The following ARID1B variants were observed in gnomAD, a reference collection of about 807,000 sequenced individuals.
The protein encoded by ARID1B is AT-rich interaction domain 1B.
ARID1B carries 30 observed loss-of-function variants against 212.3 expected under a neutral mutation model. That is an observed-to-expected ratio of 0.14 (90% CI 0.11 to 0.19). ARID1B has a LOEUF of 0.19. ARID1B is among the 10% of genes least tolerant of loss of function. The probability of loss-of-function intolerance (pLI) is 1.00; values close to 1 mark genes in which losing one functional copy is unlikely to be tolerated. For missense variants in ARID1B, 2,891 were observed against 3,204.0 expected (o/e 0.90, Z 2.36); for synonymous variants, 1,402 against 1,301.7 (o/e 1.08, Z -1.66).
chr6:156,894,299 T>TGGGGGCCGGGGGGGGTGGGAG (rs1326684088), intron 2 of ARID1B, among the ~76,000 whole-genome samples: 4 of 7,506 alleles, frequency 5.3e-4, no homozygotes, highest in African/African-American at 1.1e-3. Flanking sequence ...GGGGTTGGGA[T>TGGGGGCCGGGGGGGGTGGGAG]GGGGGCCGGG....
intron 1 of ARID1B, among the ~76,000 whole-genome samples, chr6:156,807,966 C>T (rs1781293192): frequency 6.6e-6 from 1 of 152,194 alleles, no homozygotes; most frequent in Non-Finnish European, 1.5e-5. Flanking sequence ...TTTCTGACAG[C>T]CTCAGATGCA....
At chr6:156,836,866 T>C (rs1783547138) in intron 2 of ARID1B, among the ~76,000 whole-genome samples, 1 of 152,068 alleles carries the variant, frequency 6.6e-6, no homozygotes, top group Non-Finnish European at 1.5e-5. Flanking sequence ...GGTTTTGCCA[T>C]GTAGCCCAGG....
At position 157,161,453 on chromosome 6, in the gene ARID1B, A is replaced by T. The variant is rs538101822; in HGVS notation, c.3090-5587A>T. Among the ~76,000 whole-genome samples, 720 of 147,222 alleles carry T rather than the reference A, an allele frequency of 4.9e-3. 6 individuals are homozygous for T. Among genetic ancestry groups the T allele is most frequent in the African/African-American group, 0.017 (671 of 39,276 alleles). ...TGTGTATATATATATATATATATATATTTTGGCGGGGGGGCACATAGTAGT... is the reference window on the plus strand; with the variant it reads ...TGTGTATATATATATATATATATATTTTTTGGCGGGGGGGCACATAGTAGT... On this transcript the variant is annotated intron_variant, in intron 8 of 19. Coordinates refer to ENST00000636930, the MANE Select transcript of ARID1B (RefSeq NM_001374828.1).
At chr6:157,186,671 C>A (rs111930491) in intron 13 of ARID1B, 46 of 376,962 alleles carry the variant, frequency 1.2e-4, no homozygotes, top group African/African-American at 6.8e-4. Context: ...CACAAATTTA[C>A]GGTAAAAATG....
chr6:156,903,949 C>T (rs1459126595), intron 3 of ARID1B, among the ~76,000 whole-genome samples: 2 of 152,110 alleles, frequency 1.3e-5, no homozygotes, highest in African/African-American at 2.4e-5. Flanking sequence ...CATCAAGATA[C>T]CTGACTTTGT....
chr6:156,828,062 CTTT>C (rs538099082), intron 1 of ARID1B, among the ~76,000 whole-genome samples: 3 of 123,782 alleles, frequency 2.4e-5, no homozygotes, highest in Non-Finnish European at 3.3e-5. Flanking sequence ...TGCCCGGCCT[CTTT>C]TTTTTTTTTT....
chr6:156,942,078 T>C (rs1320846732), intron 4 of ARID1B: 2 of 152,186 alleles, frequency 1.3e-5, no homozygotes, highest in African/African-American at 4.8e-5. Flanking sequence ...ATTTAAAATA[T>C]GGGGGAAATG....
At chr6:156,895,202 T>G (rs75378459) in intron 2 of ARID1B, among the ~76,000 whole-genome samples, 2,805 of 152,370 alleles carry the variant, frequency 0.018, 101 homozygotes, top group African/African-American at 0.064. Context: ...TTCTGTGTGA[T>G]ATTCTATAGA....
intron 5 of ARID1B, among the ~76,000 whole-genome samples, chr6:157,101,873 T>C (rs1211363914): frequency 6.6e-6 from 1 of 152,222 alleles, no homozygotes; most frequent in Admixed American, 6.5e-5. Flanking sequence ...CTATCTTGAC[T>C]AATCATGTCA....
chr6:157,039,322 C>CTTATTTTTTTTTTTTTTTTTTTTTTTT (rs1781546879), intron 4 of ARID1B, among the ~76,000 whole-genome samples: 1 of 102,976 alleles, frequency 9.7e-6, no homozygotes, highest in Non-Finnish European at 2.0e-5. Context: ...TTTGACATTT[C>CTTATTTTTTTTTTTTTTTTTTTTTTTT]TTTTTTTTTT....
Position 156,777,854 on chromosome 6 carries a change from G to T in ARID1B, c.174G>T (p.Leu58=). The T allele has an allele frequency of 6.8e-6, 9 of 1,329,882 alleles. No individual in the cohort carries two copies. The highest frequency in any genetic ancestry group is 8.6e-6 in the Non-Finnish European group (9 of 1,045,314). 82.4% of individuals were successfully genotyped at this position (1,329,882 alleles called of 1,614,324 possible). A position where few individuals can be genotyped will look rare whatever the true frequency, so the allele number is the denominator to read the frequency against. ...AAAAAAPGPM[L]GGGGDGGGGL... is the part of the protein sequence containing the mutation. ...CGGCGGCGGCACCGGGACCCATGCT[G>T]GGGGGCGGCGGCGACGGCGGCGGCG... The change falls in exon 1 of 20, where the codon CTG becomes CTT. Residue 58 remains leucine, a synonymous_variant. Coordinates refer to ENST00000636930, the MANE Select transcript of ARID1B (RefSeq NM_001374828.1).
intron 4 of ARID1B, among the ~76,000 whole-genome samples, chr6:156,998,212 CTTT>C (rs569837054): frequency 1.7e-4 from 23 of 137,610 alleles, no homozygotes; most frequent in Non-Finnish European, 2.0e-4. Context: ...ATCTCTCTCT[CTTT>C]TTTTTTTTTT....
intron 4 of ARID1B, among the ~76,000 whole-genome samples, chr6:157,032,525 C>T (rs1305463413): frequency 1.3e-5 from 2 of 152,032 alleles, no homozygotes; most frequent in South Asian, 2.1e-4. Context: ...GTTTTCTGGG[C>T]GGGTCATTCT....
chr6:157,165,557 A>ATT (rs1791268696), intron 8 of ARID1B, among the ~76,000 whole-genome samples: 1 of 152,060 alleles, frequency 6.6e-6, no homozygotes, highest in Non-Finnish European at 1.5e-5. Context: ...GTATATTTAA[A>ATT]AAAAAAAATG....
Position 156,853,362 on chromosome 6 carries a change from G to A in ARID1B, c.1986+23941G>A, listed in dbSNP as rs140276790. On this transcript the variant is annotated intron_variant, in intron 2 of 19. Coordinates refer to ENST00000636930, the MANE Select transcript of ARID1B (RefSeq NM_001374828.1). ...CTGAGGATGAGTATTTTCCCACCGC[G>A]GGCATGAAAATGGATCCTAATGGTA... Among the ~76,000 whole-genome samples, 8 of 152,232 alleles carry A rather than the reference G, an allele frequency of 5.3e-5. No homozygotes were observed. In the East Asian group the frequency reaches 1.2e-3, roughly 22 times the overall value.
chr6:156,905,250 G>GCGCGCGCACGCACACACACA (rs1554265935), intron 3 of ARID1B, among the ~76,000 whole-genome samples: 1 of 143,730 alleles, frequency 7.0e-6, no homozygotes, highest in African/African-American at 2.6e-5. Flanking sequence ...ACATATGCAC[G>GCGCGCGCACGCACACACACA]CACACACACA....
intron 4 of ARID1B, among the ~76,000 whole-genome samples, chr6:157,032,863 C>A (rs1042891399): frequency 2.0e-5 from 3 of 152,180 alleles, no homozygotes; most frequent in Admixed American, 6.5e-5. Flanking sequence ...TTACTGTGCA[C>A]ACCCTTTCCA....
intron 2 of ARID1B, among the ~76,000 whole-genome samples, chr6:156,875,930 T>TA (rs1351887299): frequency 6.6e-6 from 1 of 152,262 alleles, no homozygotes; most frequent in Non-Finnish European, 1.5e-5. Flanking sequence ...ATACTTCTGT[T>TA]AAAGAACTGC....
At position 157,159,803 on chromosome 6, in the gene ARID1B, C is replaced by T. The variant is rs370345919; in HGVS notation, c.3090-7237C>T. On this transcript the variant is annotated intron_variant, in intron 8 of 19. Coordinates refer to ENST00000636930, the MANE Select transcript of ARID1B (RefSeq NM_001374828.1). ...CACATTTTAAAGGACCAGGCAAAGACGTGCCAGGGAGAAGTTCTATTCTGA... is the reference window on the plus strand; with the variant it reads ...CACATTTTAAAGGACCAGGCAAAGATGTGCCAGGGAGAAGTTCTATTCTGA... Among the ~76,000 whole-genome samples the T allele has an allele frequency of 2.0e-4, 30 of 152,312 alleles. No homozygotes were observed. In the South Asian group the frequency reaches 3.5e-3, roughly 18 times the overall value.
Sources: gnomAD v4.1 joint callset for allele counts (sites outside exome capture counted in the v4.1 genomes callset) on GRCh38, gnomAD v4.1.1 for gene constraint, MANE v1.5 for transcripts, NCBI Gene and HGNC (gene_info 2026-07-23, HGNC 2026-07-21) for gene names.